SYNJ2: variants seen among roughly 807,000 people sequenced by gnomAD.
SYNJ2 encodes polyphosphatidylinositol phosphatase SYNJ2.
A neutral mutation model predicts 141.3 loss-of-function variants in SYNJ2; 116 were observed. That is an observed-to-expected ratio of 0.82 (90% confidence interval 0.71 to 0.96). The LOEUF (loss-of-function observed/expected upper bound fraction) is 0.96. Among genes scored for constraint, SYNJ2 ranks in the 40% least tolerant of loss-of-function variants. The pLI, the probability that SYNJ2 is intolerant of heterozygous loss-of-function variation, is 0.00. For synonymous variants in SYNJ2, 745 were observed against 777.7 expected (o/e 0.96, Z 0.70); for missense variants, 1,873 against 1,934.8 (o/e 0.97, Z 0.60).
intron 2 of SYNJ2, among the ~76,000 whole-genome samples, chr6:158,026,342 C>T (rs2128334551): frequency 6.6e-6 from 1 of 152,334 alleles, no homozygotes; most frequent in Middle Eastern, 3.4e-3. Flanking sequence ...GCTCTGTCAC[C>T]TTGGGCAGGC....
At chr6:158,063,035 A>G (rs952318172) in intron 8 of SYNJ2, among the ~76,000 whole-genome samples, 3 of 152,196 alleles carry the variant, frequency 2.0e-5, no homozygotes, top group African/African-American at 7.2e-5. Context: ...TTAATTAAGC[A>G]AATATATATA....
In SYNJ2 at chr6:158,040,955, C is replaced by T. The variant is rs1779914542; in HGVS notation, c.712-2361C>T. ...TCCTTCTTGAATCCCTCCTTCTTCC[C>T]ACGACCCAAGCTCTCTCCGACGCCA... On this transcript the variant is annotated intron_variant, in intron 4 of 26. Transcript: ENST00000355585. This position sits in a 1 kb window ranked among gnomAD's most constrained non-coding sequence, Gnocchi z 4.2. Among the ~76,000 whole-genome samples, 2 of 152,174 alleles carry T rather than the reference C, an allele frequency of 1.3e-5. No homozygotes were observed. The highest frequency in any genetic ancestry group is 2.9e-5 in the Non-Finnish European group (2 of 68,030).
chr6:158,007,728 C>G (rs550239643), intron 1 of SYNJ2, among the ~76,000 whole-genome samples: 2 of 152,128 alleles, frequency 1.3e-5, no homozygotes, highest in African/African-American at 4.8e-5. Context: ...CTGCAACCTC[C>G]GCCTCCCAGG....
At chr6:158,064,018 C>A in intron 9 of SYNJ2, 146 bp downstream of exon 9, 1 of 789,700 alleles carries the variant, frequency 1.3e-6, no homozygotes, top group Non-Finnish European at 2.0e-6. Context: ...GACAGGGAGA[C>A]ACTGGGACAT....
chr6:158,062,145 G>A lies in SYNJ2; in HGVS notation c.1108G>A (p.Gly370Arg), dbSNP rs370643062. The A allele has an allele frequency of 1.2e-6, 2 of 1,613,776 alleles. No individual in the cohort carries two copies. Among genetic ancestry groups the A allele is most frequent in the Admixed American group, 1.7e-5 (1 of 60,014 alleles). Residue 370 changes from glycine to arginine, a missense_variant, in exon 8 of 27, where the codon GGG (glycine) becomes AGG (arginine). Physicochemically the swap from Gly to Arg is moderately radical, Grantham distance 125 (BLOSUM62 -2). Transcript: ENST00000355585. ...GGAAGACTTCGATGTGTTCACAAAGGGGGAGAACGTCAGTCCACGGTGAGG... is the reference window on the plus strand; with the variant it reads ...GGAAGACTTCGATGTGTTCACAAAGAGGGAGAACGTCAGTCCACGGTGAGG... ...HWEDFDVFTKGENVSPRFQKG... is the reference protein window; with the variant it reads ...HWEDFDVFTKRENVSPRFQKG...
chr6:158,092,569 G>C (rs759570466), intron 25 of SYNJ2, among the ~76,000 whole-genome samples: 2 of 152,162 alleles, frequency 1.3e-5, no homozygotes, highest in African/African-American at 2.4e-5. Flanking sequence ...GAGCCCAGGA[G>C]TTCCAGCAAC....
chr6:157,983,746 G>A (rs1013065719), intron 1 of SYNJ2, among the ~76,000 whole-genome samples: 1 of 152,090 alleles, frequency 6.6e-6, no homozygotes. Context: ...TGTAAGAAAG[G>A]AATTGGCTCG....
rs138316440 is a variant in SYNJ2, at chr6:158,063,811, G to A, written c.1148G>A (p.Arg383Gln). The A allele has an allele frequency of 3.8e-5, 62 of 1,613,496 alleles. No individual in the cohort carries two copies. The highest frequency in any genetic ancestry group is 1.6e-4 in the African/African-American group (12 of 74,892). Residue 383 changes from arginine (R) to glutamine (Q), a missense_variant, in exon 9 of 27, where the codon CGG becomes CAG. By Grantham distance (43) the Arg-to-Gln change is conservative. Transcript: ENST00000355585. ...CTAAGTTTTCAGAAAGGCACTTTGC[G>A]GATGAACTGTCTTGACTGCCTGGAC... ...VSPRFQKGTL[R>Q]MNCLDCLDRT...
At chr6:158,036,556 G>A (rs1219396513) in intron 4 of SYNJ2, among the ~76,000 whole-genome samples, 2 of 152,300 alleles carry the variant, frequency 1.3e-5, no homozygotes, top group South Asian at 2.1e-4. Flanking sequence ...ACAAGTGGGA[G>A]CTAAATGATG....
At chr6:158,009,752 G>A (rs1778197164) in intron 1 of SYNJ2, among the ~76,000 whole-genome samples, 1 of 152,168 alleles carries the variant, frequency 6.6e-6, no homozygotes, top group African/African-American at 2.4e-5. Context: ...TCCAGCCCAC[G>A]CAGTGCTTAA....
Position 158,081,302 on chromosome 6 carries a change from A to T in SYNJ2, c.2761A>T (p.Ser921Cys). The change falls in exon 19 of 27, where the codon AGT becomes TGT. Residue 921 changes from serine (S) to cysteine (C), a missense_variant. By Grantham distance (112) the Ser-to-Cys change is moderately radical. Transcript: ENST00000355585. ...TACTGAGCTCATGCAGACCTTGGGG[A>T]GTTATGGGACAATTGTTCTTGTCAG... ...LRTELMQTLGSYGTIVLVRIN... is the reference protein window; with the variant it reads ...LRTELMQTLGCYGTIVLVRIN... 6.2e-7 allele frequency: 1 copy of T among 1,614,032 alleles called. No homozygotes were observed. The highest frequency in any genetic ancestry group is 8.5e-7 in the Non-Finnish European group (1 of 1,180,002).
rs951407915 is a variant in SYNJ2, at chr6:157,982,070, G to C, written c.109G>C (p.Gly37Arg). ...CGACGACTGCCTGCTGTTCGAGGCC[G>C]GCACGGTGGCCACGCTGGGTGAGTC... Reference protein sequence around the residue: ...GRDDCLLFEAGTVATLAPEEK... With the variant: ...GRDDCLLFEARTVATLAPEEK... Residue 37 changes from glycine to arginine, a missense_variant, in exon 1 of 27, where the codon GGC becomes CGC. By Grantham distance (125) the Gly-to-Arg change is moderately radical (BLOSUM62 -2). Transcript: ENST00000355585. The surrounding 1 kb of genome is among the most constrained non-coding windows in gnomAD (Gnocchi z 4.0). The C allele has an allele frequency of 1.5e-6, 2 of 1,336,502 alleles. No individual in the cohort carries two copies. The highest frequency in any genetic ancestry group is 9.6e-7 in the Non-Finnish European group (1 of 1,044,988). 82.8% of individuals were successfully genotyped at this position (1,336,502 alleles called of 1,614,324 possible).
intron 7 of SYNJ2, 172 bp downstream of exon 7, chr6:158,059,525 G>C (rs987389784): frequency 1.4e-6 from 2 of 1,405,252 alleles, no homozygotes; most frequent in African/African-American, 2.9e-5. Flanking sequence ...TCAGTGACTC[G>C]GGCCCTGATA....
chr6:158,077,997 G>A, intron 17 of SYNJ2, 167 bp from the exon 18 acceptor site: 1 of 595,584 alleles, frequency 1.7e-6, no homozygotes, highest in South Asian at 2.0e-5. Context: ...TTAACCAAAG[G>A]CCCCAAAGCA....
rs1354119886 is a variant in SYNJ2 at position 158,070,019 on chromosome 6, G to A, written c.1940+346G>A. The A allele has an allele frequency of 5.3e-6, 3 of 560,776 alleles. No individual in the cohort carries two copies. Among genetic ancestry groups the A allele is most frequent in the Non-Finnish European group, 6.9e-6 (3 of 433,662 alleles). 34.7% of individuals were successfully genotyped at this position (560,776 alleles called of 1,614,324 possible). A position where few individuals can be genotyped will look rare whatever the true frequency, so the allele number is the denominator to read the frequency against. Reference sequence around the variant, plus strand: ...CTGACCAAGAGCTGAGTAACTCACTGGGAAATGCCAACTCTTTTGTCCCTT... The same window carrying A: ...CTGACCAAGAGCTGAGTAACTCACTAGGAAATGCCAACTCTTTTGTCCCTT... On this transcript the variant is annotated intron_variant, in intron 14 of 26. Transcript: ENST00000355585. This position sits in a 1 kb window ranked among gnomAD's most constrained non-coding sequence, Gnocchi z 4.0.
intron 7 of SYNJ2, among the ~76,000 whole-genome samples, chr6:158,061,414 C>T (rs1781210010): frequency 6.6e-6 from 1 of 152,178 alleles, no homozygotes; most frequent in Admixed American, 6.6e-5. Context: ...AGCCCCTTGA[C>T]CTGCTTCCCA....
chr6:158,085,309 C>G (rs911918153), intron 22 of SYNJ2, among the ~76,000 whole-genome samples: 1 of 152,190 alleles, frequency 6.6e-6, no homozygotes, highest in East Asian at 1.9e-4. Flanking sequence ...GTGTGAGCCA[C>G]TGCACCTGGC....
intron 6 of SYNJ2, among the ~76,000 whole-genome samples, chr6:158,057,122 C>T (rs1410345798): frequency 1.3e-5 from 2 of 152,140 alleles, no homozygotes; most frequent in Middle Eastern, 3.4e-3. Context: ...TTGGTCCCTC[C>T]CTGAAGATGA....
chr6:158,091,997 G>A (rs1201155950), intron 25 of SYNJ2, among the ~76,000 whole-genome samples: 2 of 151,906 alleles, frequency 1.3e-5, no homozygotes, highest in Non-Finnish European at 2.9e-5. Context: ...AAAATGTTCT[G>A]GAGTTAGATC....
Sources: allele counts gnomAD v4.1 joint callset (sites outside exome capture counted in the v4.1 genomes callset), GRCh38; gene constraint gnomAD v4.1.1; non-coding constraint Gnocchi (gnomAD v3.1); transcripts MANE v1.5; gene names NCBI Gene and HGNC (gene_info 2026-07-23, HGNC 2026-07-21).